The following PBRM1 variants were observed in gnomAD, a reference collection of about 807,000 sequenced individuals.
PBRM1 encodes protein polybromo-1.
In PBRM1, 27 loss-of-function variants were observed where a neutral mutation model predicts 194.5. The observed-to-expected ratio is 0.14, with a 90% confidence interval of 0.10 to 0.19. The LOEUF (loss-of-function observed/expected upper bound fraction) is 0.19, where lower values mean the gene tolerates loss of function less well. Ranked by LOEUF, PBRM1 falls within the 10% of genes least tolerant of loss-of-function variation. The pLI is 1.00. For missense variants in PBRM1, 1,466 were observed against 2,077.2 expected (o/e 0.71, Z 5.72); for synonymous variants, 655 against 693.2 (o/e 0.94, Z 0.87).
intron 16 of PBRM1, among the ~76,000 whole-genome samples, chr3:52,605,182 T>C (rs1281408078): frequency 1.3e-5 from 2 of 152,146 alleles, no homozygotes; most frequent in African/African-American, 2.4e-5. Flanking sequence ...CAGCTCACCA[T>C]AGCCTCAACT....
intron 17 of PBRM1, among the ~76,000 whole-genome samples, chr3:52,598,910 T>C (rs2093769466): frequency 1.3e-5 from 2 of 151,014 alleles, no homozygotes; most frequent in Admixed American, 6.6e-5. Flanking sequence ...TAATCCCAGC[T>C]ACTCAGGAGG....
chr3:52,590,331 C>G (rs1234995792), intron 17 of PBRM1, among the ~76,000 whole-genome samples: 1 of 151,964 alleles, frequency 6.6e-6, no homozygotes, highest in Non-Finnish European at 1.5e-5. Context: ...TGGCAGGTGC[C>G]TGTAGTCCCA....
chr3:52,613,191 A>T (rs2094741860), intron 15 of PBRM1, among the ~76,000 whole-genome samples: 1 of 152,208 alleles, frequency 6.6e-6, no homozygotes, highest in South Asian at 2.1e-4. Context: ...ATGCATACTG[A>T]ACTATGTGGA....
intron 22 of PBRM1, among the ~76,000 whole-genome samples, chr3:52,566,564 C>T (rs534494233): frequency 9.5e-4 from 144 of 152,074 alleles, no homozygotes; most frequent in Non-Finnish European, 1.7e-3. Context: ...TCCAAAGGGA[C>T]AAATATTGTA....
At chr3:52,655,094 A>T (rs1278669631) in intron 5 of PBRM1, among the ~76,000 whole-genome samples, 1 of 152,164 alleles carries the variant, frequency 6.6e-6, no homozygotes, top group African/African-American at 2.4e-5. Context: ...AATTTCATGT[A>T]GTAACATGAA....
intron 13 of PBRM1, among the ~76,000 whole-genome samples, chr3:52,625,444 T>C (rs756079011): frequency 1.3e-5 from 2 of 152,216 alleles, no homozygotes; most frequent in East Asian, 1.9e-4. Flanking sequence ...ATTTTTTTAG[T>C]GGATGATTTA....
chr3:52,602,970 C>T (rs1314031656), intron 17 of PBRM1, among the ~76,000 whole-genome samples: 1 of 152,178 alleles, frequency 6.6e-6, no homozygotes, highest in Non-Finnish European at 1.5e-5. Context: ...TGAACTTTAA[C>T]AGAAATGATC....
intron 13 of PBRM1, among the ~76,000 whole-genome samples, chr3:52,624,352 C>T (rs2153555369): frequency 6.6e-6 from 1 of 152,274 alleles, no homozygotes; most frequent in African/African-American, 2.4e-5. Flanking sequence ...AAGCACTACA[C>T]AATTATTACA....
At chr3:52,657,932 T>C (rs1460733977) in intron 5 of PBRM1, among the ~76,000 whole-genome samples, 1 of 151,916 alleles carries the variant, frequency 6.6e-6, no homozygotes, top group East Asian at 1.9e-4. Context: ...GCTGGGATTA[T>C]AGGCATGCGC....
intron 13 of PBRM1, 129 bp from the exon 16 acceptor site, chr3:52,617,667 G>A (rs1169792344): frequency 3.0e-6 from 2 of 676,714 alleles, no homozygotes; most frequent in Non-Finnish European, 4.8e-6. Flanking sequence ...GATTACATAT[G>A]CCACAAACAC....
intron 17 of PBRM1, among the ~76,000 whole-genome samples, chr3:52,594,895 C>T (rs1237526146): frequency 6.6e-6 from 1 of 150,776 alleles, no homozygotes; most frequent in Non-Finnish European, 1.5e-5. Context: ...TGAATATAGG[C>T]CCCCAATCTC....
intron 2 of PBRM1, among the ~76,000 whole-genome samples, chr3:52,674,396 G>A (rs1305015472): frequency 6.7e-6 from 1 of 148,322 alleles, no homozygotes; most frequent in Admixed American, 6.8e-5. Flanking sequence ...CAGGAGAATC[G>A]CTTGAACCTG....
intron 2 of PBRM1, among the ~76,000 whole-genome samples, chr3:52,677,102 A>C (rs1282427461): frequency 6.6e-6 from 1 of 152,208 alleles, no homozygotes; most frequent in Non-Finnish European, 1.5e-5. Context: ...AACCCTGATT[A>C]ATACAAAAAC....
rs777496472 is a variant in PBRM1 at position 52,550,730 on chromosome 3, C to T, written c.4680+17G>A. On this transcript the variant is annotated intron_variant, in intron 28 of 29. Coordinates refer to ENST00000296302, the Ensembl canonical transcript of PBRM1. The stretch of plus-strand genomic sequence containing the variant: ...CGAATTCTGTCAAGTCCTAGAAAAT[C>T]AAACTGGGAGGCTCACCTGTTGTCC... 2.9e-5 allele frequency: 46 copies of T among 1,604,818 alleles called. No homozygotes were observed. Among genetic ancestry groups the T allele is most frequent in the Non-Finnish European group, 3.6e-5 (42 of 1,173,134 alleles).
At chr3:52,552,251 A>C (rs1348539950) in intron 27 of PBRM1, among the ~76,000 whole-genome samples, 1 of 152,140 alleles carries the variant, frequency 6.6e-6, no homozygotes, top group Non-Finnish European at 1.5e-5. Context: ...AACTGTGTAA[A>C]TCATTGCTTT....
intron 7 of PBRM1, among the ~76,000 whole-genome samples, chr3:52,647,833 G>A (rs1351253196): frequency 6.6e-6 from 1 of 152,078 alleles, no homozygotes; most frequent in East Asian, 1.9e-4. Flanking sequence ...GAGAAGTTGG[G>A]GGGACATAAA....
chr3:52,673,901 A>C (rs990630334), intron 2 of PBRM1, among the ~76,000 whole-genome samples: 2 of 150,644 alleles, frequency 1.3e-5, no homozygotes, highest in Admixed American at 1.3e-4. Flanking sequence ...AAATACAAAA[A>C]TTAGCCAGGC....
chr3:52,558,646 A>G (rs879896522), intron 25 of PBRM1, among the ~76,000 whole-genome samples: 1 of 152,210 alleles, frequency 6.6e-6, no homozygotes, highest in Non-Finnish European at 1.5e-5. Flanking sequence ...CAAGAATGTT[A>G]AGACTGCAAC....
chr3:52,619,136 C>T (rs1018045486), intron 13 of PBRM1, among the ~76,000 whole-genome samples: 3 of 152,168 alleles, frequency 2.0e-5, no homozygotes, highest in African/African-American at 4.8e-5. Context: ...TCAGGTGATC[C>T]GCCCACCTTG....
Sources: gnomAD v4.1 joint callset for allele counts (sites outside exome capture counted in the v4.1 genomes callset) on GRCh38, gnomAD v4.1.1 for gene constraint, MANE v1.5 for transcripts, NCBI Gene and HGNC (gene_info 2026-07-23, HGNC 2026-07-21) for gene names.